NCAPD3: variants seen among roughly 807,000 people sequenced by gnomAD.
NCAPD3 encodes the protein condensin-2 complex subunit D3.
NCAPD3 carries 105 observed loss-of-function variants against 182.9 expected under a neutral mutation model. The ratio of observed to expected loss-of-function variants is 0.57; its 90% confidence interval spans 0.49 to 0.68. The LOEUF (loss-of-function observed/expected upper bound fraction) is 0.68. Ranked by LOEUF, NCAPD3 falls within the 30% of genes least tolerant of loss-of-function variation. The pLI, the probability that NCAPD3 is intolerant of heterozygous loss-of-function variation, is 0.00. For synonymous variants in NCAPD3, 815 were observed against 679.9 expected, an observed-to-expected ratio of 1.20 and a Z score of -3.09; for missense variants, 1,944 against 1,837.0, an observed-to-expected ratio of 1.06 and a Z score of -1.07.
chr11:134,222,234 T>G (rs1476514277), intron 1 of NCAPD3, among the ~76,000 whole-genome samples: 1 of 152,248 alleles, frequency 6.6e-6, no homozygotes, highest in African/African-American at 2.4e-5. Flanking sequence ...AGGTAACTTC[T>G]GCTCTGCTAC....
Position 134,153,186 on chromosome 11 carries a change from G to A in NCAPD3, c.4342C>T (p.Arg1448Trp), listed in dbSNP as rs140724102. ...PSSAKEKIEG[R>W]SQGNDILCLS... ...CATAAGATGTCATTTCCTTGACTCC[G>A]GCCTTCAATTTTCTCTAAAAGGGAG... The change falls in exon 34 of 35, where the codon CGG (arginine) becomes TGG (tryptophan). Residue 1448 changes from arginine to tryptophan, a missense_variant. By Grantham distance (101) the Arg-to-Trp change is moderately radical (BLOSUM62 -3). Coordinates refer to ENST00000534548, the MANE Select transcript of NCAPD3 (RefSeq NM_015261.3). The A allele has an allele frequency of 8.5e-4, 1,365 of 1,614,034 alleles. 5 individuals are homozygous for A. The highest frequency in any genetic ancestry group is 6.6e-4 in the Middle Eastern group (4 of 6,062).
intron 16 of NCAPD3, among the ~76,000 whole-genome samples, chr11:134,188,131 G>A (rs1944449217): frequency 6.6e-6 from 1 of 152,124 alleles, no homozygotes; most frequent in Non-Finnish European, 1.5e-5. Context: ...AGCACTCTGT[G>A]TCTAGCTAAA....
Position 134,151,224 on chromosome 11 carries a change from CTTTT to C in NCAPD3, c.*1716_*1719del, listed in dbSNP as rs372236965. ...AATTGCATACATGAGACTGTGTTGA[CTTTT>C]TTTAGTTATGTGAAACACTTTGCCG... is the stretch of plus-strand genomic sequence containing the variant. On this transcript the variant is annotated 3_prime_UTR_variant, in exon 35 of 35. Coordinates refer to ENST00000534548, the MANE Select transcript of NCAPD3 (RefSeq NM_015261.3). 3 of 152,148 alleles carry C rather than the reference CTTTT, an allele frequency of 2.0e-5. No homozygotes were observed. The highest frequency in any genetic ancestry group is 7.2e-5 in the African/African-American group (3 of 41,404). The allele number at this position is 152,148 out of a possible 1,614,324, so 9.4% of individuals were successfully genotyped here. A position where few individuals can be genotyped will look rare whatever the true frequency, so the allele number is the denominator to read the frequency against.
upstream of NCAPD3, chr11:134,224,017 A>G: frequency 1.3e-6 from 2 of 1,488,872 alleles, no homozygotes; most frequent in South Asian, 2.4e-5. Context: ...ACCAATCACA[A>G]CGTACAGAAT....
chr11:134,162,042 C>T, intron 27 of NCAPD3, 151 bp from the exon 28 acceptor site: 1 of 553,700 alleles, frequency 1.8e-6, no homozygotes, highest in Non-Finnish European at 3.1e-6. Flanking sequence ...AGGACCTCTG[C>T]TTTTCTCTGG....
intron 17 of NCAPD3, 53 bp downstream of exon 17, chr11:134,185,275 CTTGGGCT>C: frequency 7.0e-7 from 1 of 1,437,920 alleles, no homozygotes; most frequent in Non-Finnish European, 9.3e-7. Flanking sequence ...TTCCTTAAGT[CTTGGGCT>C]TTGTTTCTAA....
At position 134,170,748 on chromosome 11, in the gene NCAPD3, A is replaced by G. The variant is rs187894241; in HGVS notation, c.3102-1694T>C. ...AAAACTTGCTGAACCATCTATACAA[A>G]TAAATTCCATAGCAACATAAAACCA... On this transcript the variant is annotated intron_variant, in intron 24 of 34. Coordinates refer to ENST00000534548, the MANE Select transcript of NCAPD3 (RefSeq NM_015261.3). Among the ~76,000 whole-genome samples, 966 of 152,360 alleles carry G rather than the reference A, an allele frequency of 6.3e-3. 2 individuals are homozygous for G. Among genetic ancestry groups the G allele is most frequent in the Non-Finnish European group, 8.5e-3 (581 of 68,028 alleles).
intron 27 of NCAPD3, among the ~76,000 whole-genome samples, chr11:134,163,279 T>C (rs1943643308): frequency 6.6e-6 from 1 of 152,062 alleles, no homozygotes; most frequent in East Asian, 1.9e-4. Flanking sequence ...TTGACAAAAG[T>C]CTATATGGAA....
intron 6 of NCAPD3, 88 bp downstream of exon 6, chr11:134,209,057 T>C (rs967463118): frequency 1.5e-4 from 217 of 1,470,300 alleles, no homozygotes; most frequent in Non-Finnish European, 1.3e-4. Flanking sequence ...TGTGTGCCAA[T>C]TGGGATAAAA....
chr11:134,182,296 G>A (rs184068613), intron 19 of NCAPD3, among the ~76,000 whole-genome samples: 4 of 152,334 alleles, frequency 2.6e-5, no homozygotes, highest in African/African-American at 9.6e-5. Context: ...ATGCTCTGGG[G>A]CAAGCCCACC....
chr11:134,193,934 G>A lies in NCAPD3; in HGVS notation c.1824+82C>T, dbSNP rs920603244. On this transcript the variant is annotated intron_variant, in intron 15 of 34. Coordinates refer to ENST00000534548, the MANE Select transcript of NCAPD3 (RefSeq NM_015261.3). ...TAGAGTTTTTAAAGGTCAACTTAAC[G>A]TTTAGCAGCAGGTAATTATTGTGTG... is the stretch of plus-strand genomic sequence containing the variant. 28 of 1,423,496 alleles carry A rather than the reference G, an allele frequency of 2.0e-5. No homozygotes were observed. The African/African-American group carries it at 2.4e-4, about 12-fold the overall frequency. 88.2% of individuals were successfully genotyped at this position (1,423,496 alleles called of 1,614,324 possible).
At chr11:134,186,464 T>C (rs1944407194) in intron 16 of NCAPD3, among the ~76,000 whole-genome samples, 3 of 152,244 alleles carry the variant, frequency 2.0e-5, no homozygotes, top group Admixed American at 1.3e-4. Flanking sequence ...CCTCCTGTCT[T>C]GGCCTTCCAA....
chr11:134,168,507 C>T lies in NCAPD3; in HGVS notation c.3335G>A (p.Arg1112Gln), dbSNP rs772706645. The change falls in exon 26 of 35, where the codon CGA becomes CAA. Residue 1112 changes from arginine to glutamine, a missense_variant. Arg to Gln is a conservative substitution (Grantham distance 43, BLOSUM62 1). Around this residue, in one of 3 missense-constraint regions of NCAPD3, gnomAD observed 1,803 missense variants for 1,674.6 expected, o/e 1.08. Coordinates refer to ENST00000534548, the MANE Select transcript of NCAPD3 (RefSeq NM_015261.3). Reference sequence around the variant, plus strand: ...GCAGATTTTGGAAGTGATGTTGAATCGCTGTTCATCTGTGAAGTGCTCTAG... The same window carrying T: ...GCAGATTTTGGAAGTGATGTTGAATTGCTGTTCATCTGTGAAGTGCTCTAG... ...FLLEHFTDEQ[R>Q]FNITSKICLS... The T allele has an allele frequency of 7.4e-6, 12 of 1,614,082 alleles. No homozygotes were observed. The highest frequency in any genetic ancestry group is 1.3e-5 in the African/African-American group (1 of 74,930).
rs1399731006 is a variant in NCAPD3 at position 134,152,286 on chromosome 11, G to T, written c.*658C>A. 6.6e-6 allele frequency: 1 copy of T among 152,240 alleles called. No homozygotes were observed. The highest frequency in any genetic ancestry group is 6.5e-5 in the Admixed American group (1 of 15,288). The allele number at this position is 152,240 out of a possible 1,614,324, so 9.4% of individuals were successfully genotyped here. A position where few individuals can be genotyped will look rare whatever the true frequency, so the allele number is the denominator to read the frequency against. On this transcript the variant is annotated 3_prime_UTR_variant, in exon 35 of 35. Transcript: ENST00000534548. ...GGGAAAGCACACCGCCTCTGCCTGG[G>T]CACAGATGAACTGCCCTTCAAGACA...
At chr11:134,162,649 G>A (rs929717971) in intron 27 of NCAPD3, among the ~76,000 whole-genome samples, 4 of 152,184 alleles carry the variant, frequency 2.6e-5, no homozygotes, top group East Asian at 1.9e-4. Flanking sequence ...GAAACAGAAG[G>A]ACAACAAGTA....
At chr11:134,171,296 T>C (rs1944000651) in intron 24 of NCAPD3, among the ~76,000 whole-genome samples, 1 of 152,298 alleles carries the variant, frequency 6.6e-6, no homozygotes, top group Non-Finnish European at 1.5e-5. Context: ...ATTACCTTAT[T>C]ACAGCCTTGT....
At chr11:134,166,726 CACTT>C (rs1157622203) in intron 27 of NCAPD3, among the ~76,000 whole-genome samples, 27 of 118,178 alleles carry the variant, frequency 2.3e-4, no homozygotes, top group East Asian at 2.7e-4. Flanking sequence ...GCAGCACACT[CACTT>C]GTGAGATGAG....
chr11:134,211,396 C>T lies in NCAPD3; in HGVS notation c.383-942G>A, dbSNP rs190189832. On this transcript the variant is annotated intron_variant, in intron 3 of 34. Coordinates refer to ENST00000534548, the MANE Select transcript of NCAPD3 (RefSeq NM_015261.3). ...AGGGCAGTGGCTCATGCCTGTAATT[C>T]CAACACTTTGGGAGGCTGAGGTGGG... 1.1e-3 allele frequency among the ~76,000 whole-genome samples: 163 copies of T among 152,268 alleles called. 2 individuals carry two copies. The highest frequency in any genetic ancestry group is 3.8e-3 in the African/African-American group (156 of 41,556).
intron 7 of NCAPD3, among the ~76,000 whole-genome samples, chr11:134,207,883 A>G (rs1937675015): frequency 6.6e-6 from 1 of 152,238 alleles, no homozygotes. Context: ...TATCACATTC[A>G]TATTTCAAGC....
Sources: allele counts gnomAD v4.1 joint callset (sites outside exome capture counted in the v4.1 genomes callset), GRCh38; gene constraint gnomAD v4.1.1; regional missense constraint gnomAD v4.1.1; transcripts MANE v1.5; gene names NCBI Gene and HGNC (gene_info 2026-07-23, HGNC 2026-07-21).